Variants in LCLAT1 observed in about 807,000 individuals in gnomAD.
LCLAT1 encodes the protein lysocardiolipin acyltransferase 1.
LCLAT1 carries 11 observed loss-of-function variants against 30.7 expected under a neutral mutation model. The observed-to-expected ratio is 0.36, with a 90% CI of 0.23 to 0.59. The LOEUF is 0.59. LCLAT1 is among the 20% of genes least tolerant of loss of function. The probability of loss-of-function intolerance (pLI) is 0.77; values close to 1 mark genes in which losing one functional copy is unlikely to be tolerated. For missense variants in LCLAT1, 402 were observed against 458.6 expected (o/e 0.88, Z 1.13); for synonymous variants, 155 against 151.3 (o/e 1.02, Z -0.18).
intron 5 of LCLAT1, among the ~76,000 whole-genome samples, chr2:30,576,505 A>G (rs567447841): frequency 6.6e-6 from 1 of 152,242 alleles, no homozygotes; most frequent in African/African-American, 2.4e-5. Context: ...TGCAAAATGT[A>G]TGTAACAATA....
chr2:30,596,418 T>G (rs1262335283), intron 5 of LCLAT1, among the ~76,000 whole-genome samples: 2 of 152,164 alleles, frequency 1.3e-5, no homozygotes, highest in East Asian at 3.8e-4. Context: ...TTTCATAAGT[T>G]TATTAGCCAT....
chr2:30,468,962 G>A (rs1682623313), intron 1 of LCLAT1, among the ~76,000 whole-genome samples: 1 of 152,144 alleles, frequency 6.6e-6, no homozygotes, highest in South Asian at 2.1e-4. Context: ...GGTATATAGT[G>A]ATATCTCATT....
At chr2:30,467,136 G>A (rs1558455909) in intron 1 of LCLAT1, among the ~76,000 whole-genome samples, 3 of 151,248 alleles carry the variant, frequency 2.0e-5, no homozygotes, top group South Asian at 2.1e-4. Context: ...TCCCCTTCCC[G>A]TGTCCAAGTG....
intron 3 of LCLAT1, among the ~76,000 whole-genome samples, chr2:30,549,488 A>G (rs1466422383): frequency 1.3e-5 from 2 of 152,252 alleles, no homozygotes; most frequent in Non-Finnish European, 2.9e-5. Flanking sequence ...AAAGAAATTC[A>G]GAATTTGGAG....
At chr2:30,468,941 C>T (rs376096177) in intron 1 of LCLAT1, among the ~76,000 whole-genome samples, 1 of 152,158 alleles carries the variant, frequency 6.6e-6, no homozygotes, top group African/African-American at 2.4e-5. Flanking sequence ...AAAATTGTGC[C>T]CATGCTAGTG....
chr2:30,516,347 C>T lies in LCLAT1; in HGVS notation c.-4-9240C>T, dbSNP rs528152730. On this transcript the variant is annotated intron_variant, in intron 1 of 5. Transcript: ENST00000379509. ...GCCGTCCACCACTGCTGAACGTCGC[C>T]GTCGCAGACCCGCCATTGACTTTCA... Among the ~76,000 whole-genome samples the T allele has an allele frequency of 4.0e-3, 602 of 152,254 alleles. 3 individuals are homozygous for T. The highest frequency in any genetic ancestry group is 0.013 in the African/African-American group (552 of 41,546).
intron 5 of LCLAT1, among the ~76,000 whole-genome samples, chr2:30,638,598 G>A (rs535071740): frequency 3.1e-4 from 47 of 152,210 alleles, no homozygotes; most frequent in African/African-American, 5.8e-4. Flanking sequence ...GCAACAAGCC[G>A]TGTGCCCTTG....
rs1163259642 is a variant in LCLAT1 at position 30,550,309 on chromosome 2, A to G, written c.365-11837A>G. 3.3e-5 allele frequency among the ~76,000 whole-genome samples: 5 copies of G among 152,216 alleles called. No homozygotes were observed. The East Asian group carries it at 5.8e-4, about 18-fold the overall frequency. Reference sequence around the variant, plus strand: ...GAAACAAGAGGTTAATTTTGGTGCAATACTATTAACAATGGACTTTATTCA... The same window carrying G: ...GAAACAAGAGGTTAATTTTGGTGCAGTACTATTAACAATGGACTTTATTCA... On this transcript the variant is annotated intron_variant, in intron 3 of 5. Coordinates refer to ENST00000379509, the MANE Select transcript of LCLAT1 (RefSeq NM_001002257.3).
chr2:30,539,209 A>G (rs1399836482), intron 3 of LCLAT1, among the ~76,000 whole-genome samples: 1 of 148,640 alleles, frequency 6.7e-6, no homozygotes, highest in East Asian at 2.0e-4. Context: ...TCAGCCTCCC[A>G]AAGTGCTGGG....
chr2:30,502,828 A>G (rs138929323), intron 1 of LCLAT1, among the ~76,000 whole-genome samples: 1 of 152,284 alleles, frequency 6.6e-6, no homozygotes, highest in African/African-American at 2.4e-5. Context: ...CTATTGATGC[A>G]GGACAGGTGA....
chr2:30,538,829 G>C (rs1663952763), intron 3 of LCLAT1, among the ~76,000 whole-genome samples: 1 of 151,980 alleles, frequency 6.6e-6, no homozygotes. Flanking sequence ...GATTGAAATA[G>C]GGAAAAACAG....
At chr2:30,599,007 A>G (rs1364551710) in intron 5 of LCLAT1, among the ~76,000 whole-genome samples, 2 of 120,154 alleles carry the variant, frequency 1.7e-5, no homozygotes, top group African/African-American at 6.2e-5. Context: ...TGAGATAGAT[A>G]GAGTCTCACT....
chr2:30,604,986 A>G (rs1667367601), intron 5 of LCLAT1, among the ~76,000 whole-genome samples: 1 of 152,200 alleles, frequency 6.6e-6, no homozygotes, highest in Non-Finnish European at 1.5e-5. Flanking sequence ...GTTGCACTAG[A>G]TGACCTCTGT....
chr2:30,565,515 A>G (rs755187785), intron 4 of LCLAT1, among the ~76,000 whole-genome samples: 42 of 152,228 alleles, frequency 2.8e-4, no homozygotes, highest in Non-Finnish European at 4.0e-4. Flanking sequence ...TAAAGTTGAC[A>G]TATAAAATTA....
chr2:30,582,441 A>G (rs781143039), intron 5 of LCLAT1, among the ~76,000 whole-genome samples: 1 of 152,200 alleles, frequency 6.6e-6, no homozygotes, highest in Non-Finnish European at 1.5e-5. Flanking sequence ...TTGTATTTGT[A>G]GGTGATTATC....
intron 3 of LCLAT1, among the ~76,000 whole-genome samples, chr2:30,541,944 T>G (rs1468942996): frequency 6.6e-6 from 1 of 152,156 alleles, no homozygotes; most frequent in Non-Finnish European, 1.5e-5. Context: ...CTTACTGTTG[T>G]TTCAATTTTC....
intron 1 of LCLAT1, among the ~76,000 whole-genome samples, chr2:30,470,923 T>G (rs1272367160): frequency 6.7e-6 from 1 of 150,324 alleles, no homozygotes; most frequent in Non-Finnish European, 1.5e-5. Flanking sequence ...TTCTTTTTTT[T>G]TTTTTTTTGA....
chr2:30,552,252 A>T (rs1664713075), intron 3 of LCLAT1, among the ~76,000 whole-genome samples: 1 of 152,212 alleles, frequency 6.6e-6, no homozygotes, highest in Non-Finnish European at 1.5e-5. Flanking sequence ...GTTAACATGA[A>T]CCCCAAAATT....
chr2:30,562,138 G>A lies in LCLAT1; in HGVS notation c.365-8G>A. 1 of 1,583,582 alleles carries A rather than the reference G, an allele frequency of 6.3e-7. No individual in the cohort carries two copies. The highest frequency in any genetic ancestry group is 8.6e-7 in the Non-Finnish European group (1 of 1,159,514). ...TATAGGTAAATTTTATTGTTAAATT[G>A]ATTCTAGGTTGGGCCATGCAGGCTG... On this transcript the variant is annotated splice_region_variant and splice_polypyrimidine_tract_variant and intron_variant, in intron 3 of 5. Coordinates refer to ENST00000379509, the MANE Select transcript of LCLAT1 (RefSeq NM_001002257.3).
Sources: gnomAD v4.1 joint callset for allele counts (sites outside exome capture counted in the v4.1 genomes callset) on GRCh38, gnomAD v4.1.1 for gene constraint, MANE v1.5 for transcripts, NCBI Gene and HGNC (gene_info 2026-07-23, HGNC 2026-07-21) for gene names.